Variants in NUP188 observed in about 807,000 individuals in gnomAD.
The protein encoded by NUP188 is nucleoporin NUP188.
A neutral mutation model predicts 223.0 loss-of-function variants in NUP188; 97 were observed. The observed-to-expected ratio is 0.43, with a 90% CI of 0.37 to 0.51. NUP188 has a LOEUF of 0.51. NUP188 is among the 20% of genes least tolerant of loss of function. The probability of loss-of-function intolerance (pLI) is 0.00; values close to 1 mark genes in which losing one functional copy is unlikely to be tolerated. For missense variants in NUP188, 1,947 were observed against 2,175.6 expected, an observed-to-expected ratio of 0.89 and a Z score of 2.09; for synonymous variants, 869 against 828.0, an observed-to-expected ratio of 1.05 and a Z score of -0.85.
At chr9:129,001,474 C>T (rs1588293544) in intron 34 of NUP188, 55 bp from the exon 35 acceptor site, 1 of 1,566,360 alleles carries the variant, frequency 6.4e-7, no homozygotes. Context: ...TGCCTGTCGT[C>T]CTCTTCCTCC....
At chr9:129,001,487 C>T (rs753162999) in intron 34 of NUP188, 42 bp from the exon 35 acceptor site, 9 of 1,590,344 alleles carry the variant, frequency 5.7e-6, no homozygotes, top group South Asian at 1.1e-5. Context: ...CTTCCTCCTC[C>T]TCTTCTTCTT....
At position 129,001,486 on chromosome 9, in the gene NUP188, C is replaced by T. The variant is rs765307435; in HGVS notation, c.3844-43C>T. On this transcript the variant is annotated intron_variant, in intron 34 of 43. Transcript: ENST00000372577. ...CGCTGCCTGTCGTCCTCTTCCTCCT[C>T]CTCTTCTTCTTCCCCCTTTTACTCA... 1.7e-5 allele frequency: 27 copies of T among 1,589,956 alleles called. No homozygotes were observed. The South Asian group carries it at 2.8e-4, about 16-fold the overall frequency.
intron 24 of NUP188, among the ~76,000 whole-genome samples, chr9:128,988,852 G>C (rs560734633): frequency 7.4e-5 from 11 of 148,494 alleles, no homozygotes; most frequent in Non-Finnish European, 1.2e-4. Context: ...TCAGCTTCCC[G>C]AGTAGCTGGG....
At chr9:128,993,890 C>T (rs1377065175) in intron 27 of NUP188, among the ~76,000 whole-genome samples, 196 bp downstream of exon 27, 2 of 152,156 alleles carry the variant, frequency 1.3e-5, no homozygotes, top group African/African-American at 4.8e-5. Context: ...TATTAAGCAC[C>T]TGGAAGGTTC....
chr9:128,953,444 C>G (rs1037051834), intron 3 of NUP188, among the ~76,000 whole-genome samples: 3 of 152,072 alleles, frequency 2.0e-5, no homozygotes, highest in African/African-American at 7.2e-5. Flanking sequence ...TTCTATTATG[C>G]GTTATAGTCT....
Position 128,990,630 on chromosome 9 carries a change from C to T in NUP188, c.2640+404C>T, listed in dbSNP as rs542540397. On this transcript the variant is annotated intron_variant, in intron 25 of 43. Transcript: ENST00000372577. ...CTGTAATCCCAGCACTTTGGGAGGC[C>T]GAGGCGGGTGTATCACAGAGTCAGG... Among the ~76,000 whole-genome samples, 273 of 152,120 alleles carry T rather than the reference C, an allele frequency of 1.8e-3. 3 individuals carry two copies. The highest frequency in any genetic ancestry group is 0.011 in the South Asian group (55 of 4,822).
chr9:128,973,391 C>CT lies in NUP188; in HGVS notation c.1203+151dup, dbSNP rs573431778. ...CACTCATTTTTTTATTTACTTTTTT[C>CT]TTTTTTTTTGAGATGGAGTCCTGCT... On this transcript the variant is annotated intron_variant, in intron 12 of 43. Coordinates refer to ENST00000372577, the MANE Select transcript of NUP188 (RefSeq NM_015354.3). 594 of 592,620 alleles carry CT rather than the reference C, an allele frequency of 1.0e-3. 1 individual carries two copies. The highest frequency in any genetic ancestry group is 1.4e-3 in the South Asian group (61 of 45,036). The allele number at this position is 592,620 out of a possible 1,614,324, so 36.7% of individuals were successfully genotyped here.
At position 128,947,728 on chromosome 9, in the gene NUP188, G is replaced by A. The variant is rs1327444998; in HGVS notation, c.9G>A (p.Ala3=). MA[A]AAGGPCVRSS... ...CGAGCGGGCGCGCGAAGATGGCGGC[G>A]GCCGCCGGCGGGCCGTGTGTGAGGT... Residue 3 remains alanine (A), a synonymous_variant, in exon 1 of 44, where the codon GCG becomes GCA. Transcript: ENST00000372577. 5 of 1,473,706 alleles carry A rather than the reference G, an allele frequency of 3.4e-6. No individual in the cohort carries two copies. Among genetic ancestry groups the A allele is most frequent in the Non-Finnish European group, 4.5e-6 (5 of 1,115,112 alleles). 91.3% of individuals were successfully genotyped at this position (1,473,706 alleles called of 1,614,324 possible). A position where few individuals can be genotyped will look rare whatever the true frequency, so the allele number is the denominator to read the frequency against.
chr9:128,974,067 C>T (rs1054681659), intron 12 of NUP188, among the ~76,000 whole-genome samples: 2 of 152,024 alleles, frequency 1.3e-5, no homozygotes, highest in African/African-American at 2.4e-5. Flanking sequence ...CCTGCCACCG[C>T]GCCCGGCTAA....
chr9:128,991,700 G>A (rs929068666), intron 25 of NUP188, among the ~76,000 whole-genome samples: 30 of 149,434 alleles, frequency 2.0e-4, no homozygotes, highest in African/African-American at 6.2e-4. Context: ...AAAATTAGCC[G>A]GGTGTGGCTG....
Position 128,995,365 on chromosome 9 carries a change from A to G in NUP188, c.3202A>G (p.Ile1068Val), listed in dbSNP as rs539971215. The change falls in exon 30 of 44, where the codon ATC (isoleucine) becomes GTC (valine). Residue 1068 changes from isoleucine (I) to valine (V), a missense_variant. By Grantham distance (29) the Ile-to-Val change is conservative. Transcript: ENST00000372577. ...SLKDTLKKFS[I>V]EKRFAYWSGY... ...AAAGGATACACTGAAGAAATTTTCC[A>G]TCGAGAAACGCTTTGCCTACTGGTC... is the stretch of plus-strand genomic sequence containing the variant. 2.5e-6 allele frequency: 4 copies of G among 1,614,212 alleles called. No homozygotes were observed. Among genetic ancestry groups the G allele is most frequent in the Non-Finnish European group, 3.4e-6 (4 of 1,180,036 alleles).
chr9:128,980,515 T>C (rs926639649), intron 13 of NUP188, 91 bp from the exon 14 acceptor site: 5 of 1,343,752 alleles, frequency 3.7e-6, no homozygotes, highest in Non-Finnish European at 5.2e-6. Flanking sequence ...GAAGGATTAA[T>C]TCTAAATTTT....
At chr9:128,970,997 C>T in intron 11 of NUP188, 39 bp downstream of exon 11, 4 of 1,455,974 alleles carry the variant, frequency 2.7e-6, no homozygotes, top group Non-Finnish European at 3.9e-6. Flanking sequence ...TGGGAGTGAG[C>T]CGGCAGAAGC....
intron 1 of NUP188, 30 bp from the exon 2 acceptor site, chr9:128,949,159 C>T: frequency 6.3e-7 from 1 of 1,586,036 alleles, no homozygotes. Flanking sequence ...TCAGAAAGAG[C>T]AAAATTACCT....
In NUP188 at chr9:128,984,976, A is replaced by G. The variant is rs752548050; in HGVS notation, c.2038A>G (p.Thr680Ala). Reference sequence around the variant, plus strand: ...ACAGCCTCAGGGCGAGTATGGGGTTACTATTGCCTTTCTGCGCTTGATCAC... The same window carrying G: ...ACAGCCTCAGGGCGAGTATGGGGTTGCTATTGCCTTTCTGCGCTTGATCAC... ...SEQPQGEYGV[T>A]IAFLRLITTL... is the part of the protein sequence containing the mutation. The change falls in exon 20 of 44, where the codon ACT becomes GCT. Residue 680 changes from threonine to alanine, a missense_variant. By Grantham distance (58) the Thr-to-Ala change is moderately conservative. Coordinates refer to ENST00000372577, the MANE Select transcript of NUP188 (RefSeq NM_015354.3). 11 of 1,613,696 alleles carry G rather than the reference A, an allele frequency of 6.8e-6. No individual in the cohort carries two copies. The Admixed American group carries it at 1.3e-4, about 20-fold the overall frequency.
At chr9:128,956,585 T>G in intron 4 of NUP188, 151 bp downstream of exon 4, 1 of 557,992 alleles carries the variant, frequency 1.8e-6, no homozygotes, top group South Asian at 2.6e-5. Flanking sequence ...TCCCTAAAAG[T>G]TACAAGTCAA....
At chr9:128,967,122 C>CTTAG (rs1842040833) in intron 8 of NUP188, among the ~76,000 whole-genome samples, 1 of 152,140 alleles carries the variant, frequency 6.6e-6, no homozygotes, top group South Asian at 2.1e-4. Flanking sequence ...ACTCTCCTGC[C>CTTAG]TTAGGCTCCA....
In NUP188 at chr9:129,003,446, G is replaced by A; in HGVS notation, c.4426G>A (p.Asp1476Asn). The change falls in exon 38 of 44, where the codon GAT becomes AAT. Residue 1476 changes from aspartate to asparagine, a missense_variant. Physicochemically the swap from Asp to Asn is conservative, Grantham distance 23. Transcript: ENST00000372577. ...WHFHLPQLMRDIQVNLGYLCQ... is the reference protein window; with the variant it reads ...WHFHLPQLMRNIQVNLGYLCQ... ...CTTCCACCTGCCTCAGCTCATGCGT[G>A]ATATCCAGGTGGGGGCCCAAGATGG... 6.2e-7 allele frequency: 1 copy of A among 1,610,410 alleles called. No homozygotes were observed. The highest frequency in any genetic ancestry group is 8.5e-7 in the Non-Finnish European group (1 of 1,179,946).
rs1030901756 is a variant in NUP188 at position 128,982,834 on chromosome 9, C to T, written c.1670-68C>T. Reference sequence around the variant, plus strand: ...ATTTGTCTGATTTGTGTATCTGGGTCTCAGAGACTGTTCAGTGATCTTAAA... The same window carrying T: ...ATTTGTCTGATTTGTGTATCTGGGTTTCAGAGACTGTTCAGTGATCTTAAA... On this transcript the variant is annotated intron_variant, in intron 16 of 43. Transcript: ENST00000372577. The T allele has an allele frequency of 2.9e-5, 46 of 1,601,690 alleles. No homozygotes were observed. The African/African-American group carries it at 3.2e-4, about 11-fold the overall frequency.
Sources: allele counts gnomAD v4.1 joint callset (sites outside exome capture counted in the v4.1 genomes callset), GRCh38; gene constraint gnomAD v4.1.1; transcripts MANE v1.5; gene names NCBI Gene and HGNC (gene_info 2026-07-23, HGNC 2026-07-21).